Variants in ANO2 observed in about 807,000 individuals in gnomAD.
ANO2 encodes anoctamin-2.
Under a neutral mutation model 124.2 loss-of-function variants are expected in ANO2, and 101 were observed. The ratio of observed to expected loss-of-function variants is 0.81; its 90% confidence interval spans 0.69 to 0.96. ANO2 has a LOEUF of 0.96. Ranked by LOEUF, ANO2 falls within the 40% of genes least tolerant of loss-of-function variation. ANO2 has a pLI of 0.00. For synonymous variants in ANO2, 486 were observed against 482.5 expected, an observed-to-expected ratio of 1.01 and a Z score of -0.09; for missense variants, 1,293 against 1,274.5, an observed-to-expected ratio of 1.01 and a Z score of -0.22.
chr12:5,599,439 T>G (rs1486425066), intron 20 of ANO2, 45 bp downstream of exon 20: 1 of 1,568,352 alleles, frequency 6.4e-7, no homozygotes, highest in Non-Finnish European at 8.6e-7. Flanking sequence ...ACAGACCCCT[T>G]GTCTGAACCT....
intron 7 of ANO2, among the ~76,000 whole-genome samples, chr12:5,816,594 C>A (rs780873166): frequency 6.6e-6 from 1 of 152,078 alleles, no homozygotes; most frequent in Non-Finnish European, 1.5e-5. Context: ...AGCAAGAGTA[C>A]CCAAGTTCTA....
intron 14 of ANO2, among the ~76,000 whole-genome samples, chr12:5,723,628 C>T (rs1003332147): frequency 3.2e-5 from 1 of 30,916 alleles, no homozygotes; most frequent in African/African-American, 1.4e-4. Flanking sequence ...GGGTGGGGGG[C>T]GGGGGCGCGG....
At chr12:5,809,149 A>T (rs1416589041) in intron 7 of ANO2, among the ~76,000 whole-genome samples, 1 of 152,144 alleles carries the variant, frequency 6.6e-6, no homozygotes, top group Admixed American at 6.5e-5. Context: ...AGATGGGGGA[A>T]GGGTGCCTGG....
intron 4 of ANO2, among the ~76,000 whole-genome samples, chr12:5,837,328 T>A (rs1954358876): frequency 5.1e-5 from 1 of 19,680 alleles, no homozygotes; most frequent in Admixed American, 7.4e-4. Flanking sequence ...TCCTGCCTTT[T>A]TTTTTTTTTT....
intron 3 of ANO2, among the ~76,000 whole-genome samples, chr12:5,897,281 G>A (rs187725105): frequency 2.6e-5 from 4 of 152,266 alleles, no homozygotes; most frequent in African/African-American, 9.6e-5. Context: ...CCAACAGGAA[G>A]GAATGTCCTA....
rs186162341 is a variant in ANO2 at position 5,863,265 on chromosome 12, C to T, written c.535-9124G>A. 2.5e-3 allele frequency among the ~76,000 whole-genome samples: 386 copies of T among 152,302 alleles called. 3 individuals are homozygous for T. Among genetic ancestry groups the T allele is most frequent in the Middle Eastern group, 0.014 (4 of 294 alleles). On this transcript the variant is annotated intron_variant, in intron 3 of 24. Coordinates refer to ENST00000682330, the MANE Select transcript of ANO2 (RefSeq NM_001364791.2). Reference sequence around the variant, plus strand: ...GCTGCAGAGGACCCCAAAGGCAGCACGGCACCTTGAAAGACCTAACCTATG... The same window carrying T: ...GCTGCAGAGGACCCCAAAGGCAGCATGGCACCTTGAAAGACCTAACCTATG...
intron 20 of ANO2, among the ~76,000 whole-genome samples, chr12:5,584,418 T>C (rs536293492): frequency 2.0e-5 from 3 of 152,248 alleles, no homozygotes; most frequent in Admixed American, 6.5e-5. Flanking sequence ...TTTTCTTTAA[T>C]TAAAAATAAC....
chr12:5,596,814 G>A (rs7133972), intron 20 of ANO2, among the ~76,000 whole-genome samples: 44,612 of 151,966 alleles, frequency 0.29, 6,705 homozygotes, highest in Non-Finnish European at 0.33. Flanking sequence ...TTAATACACA[G>A]CTTTTGTATG....
chr12:5,659,965 G>T (rs550527393), intron 14 of ANO2, among the ~76,000 whole-genome samples: 2 of 152,082 alleles, frequency 1.3e-5, no homozygotes, highest in Non-Finnish European at 2.9e-5. Context: ...TAATGAGGTG[G>T]GAAGGCCTGG....
intron 10 of ANO2, among the ~76,000 whole-genome samples, chr12:5,765,932 G>C (rs1351751186): frequency 6.6e-6 from 1 of 152,144 alleles, no homozygotes; most frequent in East Asian, 1.9e-4. Flanking sequence ...CAACATCCAA[G>C]TAATCAATAA....
chr12:5,920,927 A>T, intron 3 of ANO2, 113 bp downstream of exon 3: 1 of 1,243,094 alleles, frequency 8.0e-7, no homozygotes, highest in Non-Finnish European at 1.1e-6. Flanking sequence ...CAGAAAAAAA[A>T]GTCCACCTGC....
chr12:5,665,461 C>A (rs1211888113), intron 14 of ANO2, among the ~76,000 whole-genome samples: 2 of 152,330 alleles, frequency 1.3e-5, no homozygotes, highest in East Asian at 3.9e-4. Flanking sequence ...ACTTATTTCT[C>A]TAGATTCTTT....
At chr12:5,944,091 G>A (rs115629645) in intron 1 of ANO2, among the ~76,000 whole-genome samples, 2,469 of 152,302 alleles carry the variant, frequency 0.016, 76 homozygotes, top group African/African-American at 0.057. Flanking sequence ...GCTTGGCTCC[G>A]GAAATGACGG....
intron 3 of ANO2, among the ~76,000 whole-genome samples, chr12:5,861,120 A>G (rs2137265157): frequency 6.6e-6 from 1 of 152,250 alleles, no homozygotes; most frequent in East Asian, 1.9e-4. Flanking sequence ...CACACCTAAC[A>G]TATCTTTCTC....
intron 12 of ANO2, chr12:5,740,325 A>T (rs1238036803): frequency 5.3e-6 from 1 of 189,168 alleles, no homozygotes; most frequent in Non-Finnish European, 1.1e-5. Context: ...AGTTCCCAAG[A>T]GGCCTGGTTA....
chr12:5,799,487 A>G lies in ANO2; in HGVS notation c.1055+20T>C, dbSNP rs1952973606. ...CTTGCATCTCCAGGATACTTCCAAA[A>G]GTTCCCTACCACCTCTTACCTGATG... On this transcript the variant is annotated intron_variant, in intron 10 of 24. Transcript: ENST00000682330. The G allele has an allele frequency of 1.9e-6, 3 of 1,608,690 alleles. No homozygotes were observed. The highest frequency in any genetic ancestry group is 2.6e-6 in the Non-Finnish European group (3 of 1,175,744).
chr12:5,578,501 C>T lies in ANO2; in HGVS notation c.2251G>A (p.Val751Ile), dbSNP rs1942556977. 1 of 1,613,570 alleles carries T rather than the reference C, an allele frequency of 6.2e-7. No homozygotes were observed. Among genetic ancestry groups the T allele is most frequent in the East Asian group, 2.2e-5 (1 of 44,870 alleles). ...YMEMIIQFGF[V>I]TLFVASFPLA... ...GGAAAGGAGGCCACGAAGAGGGTGA[C>T]AAAACCAAACTGGATGACTGCGAGA... Residue 751 changes from valine to isoleucine, a missense_variant, in exon 21 of 25, where the codon GTC becomes ATC. By Grantham distance (29) the Val-to-Ile change is conservative. Transcript: ENST00000682330.
chr12:5,773,029 C>T (rs891529790), intron 10 of ANO2, among the ~76,000 whole-genome samples: 2 of 152,222 alleles, frequency 1.3e-5, no homozygotes, highest in African/African-American at 2.4e-5. Context: ...CAGGAGTCAG[C>T]GGATGGGAGA....
intron 14 of ANO2, among the ~76,000 whole-genome samples, chr12:5,656,371 T>C (rs1249639467): frequency 2.0e-5 from 3 of 152,206 alleles, no homozygotes; most frequent in Non-Finnish European, 4.4e-5. Flanking sequence ...TTCTTTTTTA[T>C]CCTAACTCAA....
Sources: gnomAD v4.1 joint callset for allele counts (sites outside exome capture counted in the v4.1 genomes callset) on GRCh38, gnomAD v4.1.1 for gene constraint, MANE v1.5 for transcripts, NCBI Gene and HGNC (gene_info 2026-07-23, HGNC 2026-07-21) for gene names.